The following TMCO6 variants were observed in gnomAD, a reference collection of about 807,000 sequenced individuals.
TMCO6 encodes transmembrane and coiled-coil domain-containing protein 6.
TMCO6 carries 47 observed loss-of-function variants against 61.8 expected under a neutral mutation model. The ratio of observed to expected loss-of-function variants is 0.76; its 90% CI spans 0.60 to 0.97. TMCO6 has a LOEUF of 0.97. Among genes scored for constraint, TMCO6 ranks in the 50% least tolerant of loss-of-function variants. The probability of loss-of-function intolerance (pLI) is 0.00; values close to 1 mark genes in which losing one functional copy is unlikely to be tolerated. For missense variants in TMCO6, 557 were observed against 601.6 expected (o/e 0.93, Z 0.78); for synonymous variants, 261 against 254.2 (o/e 1.03, Z -0.25).
the TMCO6 span, among the ~76,000 whole-genome samples, chr5:140,618,745 G>C: frequency 2.0e-5 from 3 of 151,964 alleles, no homozygotes; most frequent in East Asian, 1.9e-4. Context: ...TTCAACAAAT[G>C]GTGCTGGAAC....
the TMCO6 span, among the ~76,000 whole-genome samples, chr5:140,618,633 T>C: frequency 1.3e-5 from 2 of 152,108 alleles, no homozygotes; most frequent in African/African-American, 4.8e-5. Flanking sequence ...TCTTTTCTGC[T>C]ACTCTCCCTC....
At chr5:140,606,507 A>G in the TMCO6 span, among the ~76,000 whole-genome samples, 1 of 151,928 alleles carries the variant, frequency 6.6e-6, no homozygotes, top group East Asian at 1.9e-4. Context: ...TTGTTTATCT[A>G]TGCTCTAATT....
upstream of TMCO6, among the ~76,000 whole-genome samples, chr5:140,638,114 TGCTTGGC>T (rs1418547153): frequency 3.9e-5 from 6 of 152,384 alleles, no homozygotes; most frequent in East Asian, 1.2e-3. Context: ...GAGGGGTGTC[TGCTTGGC>T]CAGTCGCCAT....
At chr5:140,603,469 A>G in the TMCO6 span, among the ~76,000 whole-genome samples, 2 of 151,938 alleles carry the variant, frequency 1.3e-5, no homozygotes, top group African/African-American at 4.8e-5. Context: ...CACCACACTC[A>G]GCTAATTTTT....
the TMCO6 span, among the ~76,000 whole-genome samples, chr5:140,613,990 C>T: frequency 1.3e-5 from 2 of 152,068 alleles, no homozygotes; most frequent in Non-Finnish European, 2.9e-5. Context: ...CATCCGCCTC[C>T]CCGGTTCATG....
At chr5:140,645,624 G>A (rs770744960), downstream of TMCO6, 9 of 1,614,162 alleles carry the variant, frequency 5.6e-6, no homozygotes, top group Non-Finnish European at 6.8e-6. Flanking sequence ...CAGGGCTCTG[G>A]TTACCTGATC....
chr5:140,618,967 G>T, the TMCO6 span, among the ~76,000 whole-genome samples: 6 of 151,978 alleles, frequency 3.9e-5, no homozygotes, highest in Non-Finnish European at 7.4e-5. Context: ...AGAAAGAATC[G>T]ATAATCTAAA....
chr5:140,632,049 G>A, the TMCO6 span: 4 of 1,614,230 alleles, frequency 2.5e-6, no homozygotes, highest in Non-Finnish European at 3.4e-6. This position sits in a 1 kb window ranked among gnomAD's most constrained non-coding sequence, Gnocchi z 6.2. Context: ...AGGCTGCGGC[G>A]CCCTGTTCAG....
At chr5:140,608,722 T>A in the TMCO6 span, among the ~76,000 whole-genome samples, 1 of 152,224 alleles carries the variant, frequency 6.6e-6, no homozygotes, top group Non-Finnish European at 1.5e-5. Flanking sequence ...CATATGGATA[T>A]CCAGGTGTCC....
chr5:140,598,635 A>G, the TMCO6 span, among the ~76,000 whole-genome samples: 1 of 152,160 alleles, frequency 6.6e-6, no homozygotes, highest in Non-Finnish European at 1.5e-5. Context: ...GCCCAGTCCA[A>G]AGTAAGTGTC....
the TMCO6 span, chr5:140,633,075 C>A: frequency 6.2e-7 from 1 of 1,614,116 alleles, no homozygotes; most frequent in Non-Finnish European, 8.5e-7. Context: ...TCACCATGGT[C>A]GATAAGTCTT....
At chr5:140,614,600 ACTTT>A in the TMCO6 span, among the ~76,000 whole-genome samples, 4 of 151,892 alleles carry the variant, frequency 2.6e-5, no homozygotes, top group Non-Finnish European at 5.9e-5. Flanking sequence ...CAAGGGAAGT[ACTTT>A]CTTTCTTTCA....
At chr5:140,645,625 T>C, downstream of TMCO6, 1 of 1,614,164 alleles carries the variant, frequency 6.2e-7, no homozygotes, top group Non-Finnish European at 8.5e-7. Context: ...AGGGCTCTGG[T>C]TACCTGATCA....
Position 140,641,967 on chromosome 5 carries a change from TCCGAGCAGTC to T in TMCO6, c.414_423del (p.Glu139LeufsTer25). 6.2e-7 allele frequency: 1 copy of T among 1,614,042 alleles called. No homozygotes were observed. Among genetic ancestry groups the T allele is most frequent in the Non-Finnish European group, 8.5e-7 (1 of 1,179,916 alleles). Reference sequence around the variant, plus strand: ...TCGGTGCCTGCATGAGCTCTCTCACTCCGAGCAGTCCACTGTTGCTGAGGCCTGCCTGCCA... The same window carrying T: ...TCGGTGCCTGCATGAGCTCTCTCACTCACTGTTGCTGAGGCCTGCCTGCCA... On this transcript the variant is annotated frameshift_variant, in exon 4 of 12. Transcript: ENST00000394671. LOFTEE classifies it high-confidence loss of function.
At chr5:140,630,715 C>A in the TMCO6 span, among the ~76,000 whole-genome samples, 1 of 152,218 alleles carries the variant, frequency 6.6e-6, no homozygotes, top group African/African-American at 2.4e-5. Flanking sequence ...GAGTGTCCAG[C>A]TAATTTAACT....
At chr5:140,605,974 TG>T in the TMCO6 span, among the ~76,000 whole-genome samples, 1 of 152,148 alleles carries the variant, frequency 6.6e-6, no homozygotes, top group Non-Finnish European at 1.5e-5. Flanking sequence ...TTACCTAATT[TG>T]TTGGCATATC....
chr5:140,620,741 T>C, the TMCO6 span, among the ~76,000 whole-genome samples: 1 of 152,194 alleles, frequency 6.6e-6, no homozygotes. Flanking sequence ...TTGGGGTGGG[T>C]GGCTCACGCC....
upstream of TMCO6, among the ~76,000 whole-genome samples, chr5:140,636,533 A>AT (rs532120495): frequency 9.9e-5 from 15 of 151,748 alleles, no homozygotes; most frequent in African/African-American, 2.7e-4. Context: ...AAGAAAATAA[A>AT]TTTTTTTTAA....
chr5:140,641,629 A>T (rs1456734881), intron 2 of TMCO6, 36 bp from the exon 3 acceptor site: 2 of 1,588,910 alleles, frequency 1.3e-6, no homozygotes, highest in African/African-American at 2.7e-5. Flanking sequence ...GCTTTCTGTG[A>T]ACCGTGTGTT....
Sources: gnomAD v4.1 joint callset for allele counts (sites outside exome capture counted in the v4.1 genomes callset) on GRCh38, gnomAD v4.1.1 for gene constraint, Gnocchi (gnomAD v3.1) non-coding constraint, MANE v1.5 for transcripts, NCBI Gene and HGNC (gene_info 2026-07-23, HGNC 2026-07-21) for gene names.